Variants in SEMA6D observed in about 807,000 individuals in gnomAD.
SEMA6D encodes the protein semaphorin 6D.
A neutral mutation model predicts 106.6 loss-of-function variants in SEMA6D; 35 were observed. The observed-to-expected ratio is 0.33, with a 90% CI of 0.25 to 0.44. The LOEUF is 0.44. SEMA6D is among the 20% of genes least tolerant of loss of function. SEMA6D has a pLI of 1.00. For synonymous variants in SEMA6D, 499 were observed against 487.7 expected (o/e 1.02, Z -0.31); for missense variants, 1,185 against 1,345.9 (o/e 0.88, Z 1.87).
chr15:47,186,477 CTT>C (rs1893578953), intron 1 of SEMA6D, among the ~76,000 whole-genome samples: 1 of 151,684 alleles, frequency 6.6e-6, no homozygotes, highest in Non-Finnish European at 1.5e-5. Flanking sequence ...CTCTCTCTCT[CTT>C]TTATCATAAT....
At chr15:47,751,813 G>A (rs899714254) in intron 1 of SEMA6D, among the ~76,000 whole-genome samples, 3 of 151,882 alleles carry the variant, frequency 2.0e-5, no homozygotes, top group Admixed American at 2.0e-4. Flanking sequence ...GTTGTCTTAG[G>A]AATTGACAAC....
At chr15:47,582,691 G>T (rs940668212) in intron 3 of SEMA6D, among the ~76,000 whole-genome samples, 3 of 152,108 alleles carry the variant, frequency 2.0e-5, no homozygotes, top group Non-Finnish European at 4.4e-5. Context: ...AGGAGACGGT[G>T]GGTGATGAGG....
At chr15:47,660,318 G>A (rs1016307039) in intron 4 of SEMA6D, among the ~76,000 whole-genome samples, 2 of 152,148 alleles carry the variant, frequency 1.3e-5, no homozygotes, top group African/African-American at 2.4e-5. Context: ...AAATGTGTAT[G>A]AATAGAGGAG....
At chr15:47,615,054 C>G (rs2076981694) in intron 4 of SEMA6D, among the ~76,000 whole-genome samples, 1 of 152,170 alleles carries the variant, frequency 6.6e-6, no homozygotes, top group Non-Finnish European at 1.5e-5. Context: ...ATGATTGGAA[C>G]TCAGGGTGAA....
At chr15:47,460,573 C>T (rs1222085080) in intron 2 of SEMA6D, among the ~76,000 whole-genome samples, 2 of 152,034 alleles carry the variant, frequency 1.3e-5, no homozygotes, top group Non-Finnish European at 2.9e-5. Flanking sequence ...GGAAGAAAGA[C>T]AGCTGGAAAT....
chr15:47,703,561 T>C (rs1262729799), intron 4 of SEMA6D, among the ~76,000 whole-genome samples: 1 of 152,144 alleles, frequency 6.6e-6, no homozygotes, highest in Non-Finnish European at 1.5e-5. Context: ...TTTGTGACAA[T>C]TTCCAGAAAC....
chr15:47,409,993 A>G (rs572185095), intron 1 of SEMA6D, among the ~76,000 whole-genome samples: 15 of 152,052 alleles, frequency 9.9e-5, no homozygotes, highest in Non-Finnish European at 1.5e-4. Context: ...AATATTTAAG[A>G]AATTTTTTTT....
intron 1 of SEMA6D, among the ~76,000 whole-genome samples, chr15:47,219,150 A>G (rs1323920685): frequency 6.6e-6 from 1 of 152,194 alleles, no homozygotes; most frequent in Admixed American, 6.6e-5. Flanking sequence ...TGACCATCTT[A>G]TAGAAGAATA....
chr15:47,741,546 G>A (rs892742815), intron 1 of SEMA6D, among the ~76,000 whole-genome samples: 5 of 152,034 alleles, frequency 3.3e-5, no homozygotes, highest in Admixed American at 6.6e-5. Context: ...GAGAAACCTC[G>A]TCTCTACTAA....
chr15:47,217,874 T>TACACACACACACACACACAC (rs150525483), intron 1 of SEMA6D, among the ~76,000 whole-genome samples: 5 of 143,034 alleles, frequency 3.5e-5, no homozygotes, highest in African/African-American at 1.3e-4. Flanking sequence ...TGTACACACA[T>TACACACACACACACACACAC]ACACACACAC....
At chr15:47,754,020 A>T (rs1315849995) in intron 1 of SEMA6D, among the ~76,000 whole-genome samples, 1 of 152,182 alleles carries the variant, frequency 6.6e-6, no homozygotes, top group Non-Finnish European at 1.5e-5. Context: ...TCTAGTTTTC[A>T]GGGAGACAAA....
chr15:47,291,585 G>A (rs969134976), intron 1 of SEMA6D, among the ~76,000 whole-genome samples: 24 of 152,032 alleles, frequency 1.6e-4, no homozygotes, highest in African/African-American at 5.6e-4. Context: ...GGAATTCTAG[G>A]GAATGGGACC....
intron 4 of SEMA6D, among the ~76,000 whole-genome samples, chr15:47,672,826 TA>T (rs2078164138): frequency 6.6e-6 from 1 of 152,190 alleles, no homozygotes; most frequent in Admixed American, 6.5e-5. Flanking sequence ...TAACATAATA[TA>T]ACCTAATAAT....
chr15:47,212,646 A>T (rs1224898625), intron 1 of SEMA6D, among the ~76,000 whole-genome samples: 1 of 152,218 alleles, frequency 6.6e-6, no homozygotes, highest in East Asian at 1.9e-4. Context: ...TCTCAAAGCA[A>T]CACATTTTCT....
Position 47,362,403 on chromosome 15 carries a change from C to G in SEMA6D, c.-238-49990C>G, listed in dbSNP as rs914138074. ...TTTCCTAGGCAGGAAAATCTTTTTT[C>G]ATGATACTGGAACCTGGCCTAACAC... On this transcript the variant is annotated intron_variant, in intron 1 of 19. Coordinates refer to the SEMA6D transcript ENST00000558014. 2.0e-5 allele frequency among the ~76,000 whole-genome samples: 3 copies of G among 152,116 alleles called. No homozygotes were observed. In the South Asian group the frequency reaches 6.2e-4, roughly 32 times the overall value.
Position 47,540,585 on chromosome 15 carries a change from GT to G in SEMA6D, c.-86-60279del, listed in dbSNP as rs773582086. On this transcript the variant is annotated intron_variant, in intron 3 of 19. Transcript: ENST00000558014. The stretch of plus-strand genomic sequence containing the variant: ...TGCACCAGACGGAGGAACTGGATGT[GT>G]GCGTGGATGGTGTCCTAATTGGTCA... Among the ~76,000 whole-genome samples, 3 of 152,198 alleles carry G rather than the reference GT, an allele frequency of 2.0e-5. No individual in the cohort carries two copies. In the East Asian group the frequency reaches 5.8e-4, roughly 29 times the overall value.
chr15:47,458,584 A>G (rs1244342078), intron 2 of SEMA6D, among the ~76,000 whole-genome samples: 3 of 152,048 alleles, frequency 2.0e-5, no homozygotes, highest in African/African-American at 7.2e-5. Flanking sequence ...TGTATTAGGA[A>G]ATGAAATAAC....
intron 4 of SEMA6D, among the ~76,000 whole-genome samples, chr15:47,643,372 G>T (rs1372310672): frequency 6.6e-6 from 1 of 150,830 alleles, no homozygotes. Context: ...CTGCAGCATA[G>T]CTTCTCATGG....
intron 3 of SEMA6D, among the ~76,000 whole-genome samples, chr15:47,542,015 T>C (rs1031680296): frequency 6.6e-6 from 1 of 152,170 alleles, no homozygotes; most frequent in Non-Finnish European, 1.5e-5. Flanking sequence ...TATATGCATA[T>C]ATACAGAGCA....
Sources: allele counts gnomAD v4.1 joint callset (sites outside exome capture counted in the v4.1 genomes callset), GRCh38; gene constraint gnomAD v4.1.1; transcripts MANE v1.5; gene names NCBI Gene and HGNC (gene_info 2026-07-23, HGNC 2026-07-21).